The following BANP variants were observed in gnomAD, a reference collection of about 807,000 sequenced individuals.
BANP encodes the protein protein BANP.
In BANP, 11 loss-of-function variants were observed where a neutral mutation model predicts 68.1. The observed-to-expected ratio is 0.16, with a 90% CI of 0.10 to 0.27. BANP has a LOEUF of 0.27. BANP is among the 10% of genes least tolerant of loss of function. The pLI is 1.00. For synonymous variants in BANP, 329 were observed against 303.2 expected (o/e 1.09, Z -0.88); for missense variants, 504 against 722.7 (o/e 0.70, Z 3.47).
chr16:87,982,952 A>T (rs12919517), intron 3 of BANP, among the ~76,000 whole-genome samples: 3 of 151,976 alleles, frequency 2.0e-5, no homozygotes, highest in South Asian at 2.1e-4. Context: ...TCCGGCTCCA[A>T]TGTGGGCCGG....
At chr16:87,989,366 T>C (rs761246018) in intron 4 of BANP, among the ~76,000 whole-genome samples, 1 of 152,256 alleles carries the variant, frequency 6.6e-6, no homozygotes, top group Non-Finnish European at 1.5e-5. Context: ...TGAATGCTAG[T>C]GTGGACAGTT....
chr16:87,993,038 C>A (rs1241254750), intron 4 of BANP, among the ~76,000 whole-genome samples: 5 of 152,100 alleles, frequency 3.3e-5, no homozygotes, highest in African/African-American at 1.2e-4. Context: ...AGCATTGGGT[C>A]GGTTATTTTG....
chr16:88,038,080 G>C, intron 11 of BANP, 69 bp downstream of exon 11: 1 of 1,516,222 alleles, frequency 6.6e-7, no homozygotes, highest in African/African-American at 1.4e-5. Context: ...CAGGGGAGGG[G>C]GTGGGACGGT....
intron 1 of BANP, among the ~76,000 whole-genome samples, chr16:87,964,535 G>A (rs574298476): frequency 1.3e-5 from 2 of 152,384 alleles, no homozygotes; most frequent in Admixed American, 6.5e-5. Context: ...AAATGCAGGG[G>A]CCGAGTGAGC....
chr16:87,988,496 A>C (rs1424662504), intron 4 of BANP, among the ~76,000 whole-genome samples: 1 of 151,350 alleles, frequency 6.6e-6, no homozygotes, highest in African/African-American at 2.4e-5. Flanking sequence ...CAAACTCCTG[A>C]CCTCATGATC....
chr16:88,059,882 G>A (rs1412594180), intron 11 of BANP, among the ~76,000 whole-genome samples: 1 of 152,226 alleles, frequency 6.6e-6, no homozygotes, highest in Non-Finnish European at 1.5e-5. Context: ...GCATTGGGAT[G>A]GAGTCACCTG....
In BANP at chr16:88,018,785, C is replaced by T. The variant is rs1056226589; in HGVS notation, c.895+118C>T. The stretch of plus-strand genomic sequence containing the variant: ...CGGCACGGGGCTGCGTTTCTCCAGG[C>T]GGTTTGAAATCTCAGCCCGAGGATC... On this transcript the variant is annotated intron_variant, in intron 7 of 13. Transcript: ENST00000682872. The surrounding 1 kb of genome is among the most constrained non-coding windows in gnomAD (Gnocchi z 7.7). The T allele has an allele frequency of 3.8e-5, 50 of 1,331,298 alleles. No individual in the cohort carries two copies. The highest frequency in any genetic ancestry group is 4.8e-5 in the Non-Finnish European group (48 of 989,722). 82.5% of individuals were successfully genotyped at this position (1,331,298 alleles called of 1,614,324 possible).
At chr16:87,955,026 G>C (rs748117963) in intron 1 of BANP, among the ~76,000 whole-genome samples, 1 of 152,230 alleles carries the variant, frequency 6.6e-6, no homozygotes, top group Non-Finnish European at 1.5e-5. Flanking sequence ...GGCTGCCAGC[G>C]TACCTGGGCA....
intron 1 of BANP, among the ~76,000 whole-genome samples, chr16:87,954,590 C>G (rs73240741): frequency 7.2e-5 from 11 of 152,194 alleles, no homozygotes; most frequent in African/African-American, 2.4e-4. Flanking sequence ...TGGGCTGTTC[C>G]GCTTCTTTAG....
At chr16:87,978,315 T>C (rs1015742012) in intron 2 of BANP, 1 of 227,998 alleles carries the variant, frequency 4.4e-6, no homozygotes, top group Non-Finnish European at 9.0e-6. Context: ...GCCTCTCTTC[T>C]GCTGTTATGA....
intron 7 of BANP, among the ~76,000 whole-genome samples, chr16:88,026,749 A>G (rs2077074951): frequency 6.6e-6 from 1 of 151,416 alleles, no homozygotes; most frequent in Non-Finnish European, 1.5e-5. Context: ...CAATTCTCCA[A>G]ACCGTGTTTA....
At chr16:87,954,353 C>G (rs778827198) in intron 1 of BANP, among the ~76,000 whole-genome samples, 39 of 152,192 alleles carry the variant, frequency 2.6e-4, no homozygotes, top group Non-Finnish European at 2.4e-4. Flanking sequence ...TCCCAGCTCT[C>G]CTTTGTTCTG....
At chr16:88,067,000 C>G (rs1283336760) in intron 12 of BANP, among the ~76,000 whole-genome samples, 1 of 152,220 alleles carries the variant, frequency 6.6e-6, no homozygotes, top group Admixed American at 6.5e-5. Flanking sequence ...AGGTACCAGG[C>G]AAATTATTTT....
chr16:88,024,930 A>T (rs528650375), intron 7 of BANP, among the ~76,000 whole-genome samples: 1 of 152,302 alleles, frequency 6.6e-6, no homozygotes, highest in South Asian at 2.1e-4. Context: ...TCTCTTACCT[A>T]TACACCTGGG....
chr16:88,061,194 G>A (rs538605234), intron 11 of BANP, among the ~76,000 whole-genome samples: 5 of 152,174 alleles, frequency 3.3e-5, no homozygotes, highest in Non-Finnish European at 5.9e-5. Context: ...TGTGCCTACC[G>A]CTTGCCACAA....
chr16:87,984,179 C>A lies in BANP; in HGVS notation c.282C>A (p.Asn94Lys). The A allele has an allele frequency of 5.6e-6, 9 of 1,607,592 alleles. No individual in the cohort carries two copies. The highest frequency in any genetic ancestry group is 7.7e-6 in the Non-Finnish European group (9 of 1,176,332). Residue 94 changes from asparagine to lysine, a missense_variant, in exon 4 of 14, where the codon AAC becomes AAA. Transcript: ENST00000682872. ...SLEEKLDLVT[N>K]KQHSPIQVPM... ...AAGAAAAGCTGGATCTGGTCACGAA[C>A]AAGCAGCACAGCCCCATCCAGGTCC...
rs528416458 is a variant in BANP, at chr16:88,065,625, G to A, written c.1377+293G>A. ...TGCTTTCTGAAGACACAACAGGAACGGGGGAAGAATTTCTCGCCATCTTTT... is the reference window on the plus strand; with the variant it reads ...TGCTTTCTGAAGACACAACAGGAACAGGGGAAGAATTTCTCGCCATCTTTT... On this transcript the variant is annotated intron_variant, in intron 12 of 13. Transcript: ENST00000682872. Among the ~76,000 whole-genome samples the A allele has an allele frequency of 5.9e-5, 9 of 152,306 alleles. No homozygotes were observed. The South Asian group carries it at 6.2e-4, about 11-fold the overall frequency.
In BANP at chr16:88,002,278, A is replaced by C. The variant is rs993951820; in HGVS notation, c.363-2017A>C. 6.6e-6 allele frequency among the ~76,000 whole-genome samples: 1 copy of C among 152,044 alleles called. No individual in the cohort carries two copies. The highest frequency in any genetic ancestry group is 2.4e-5 in the African/African-American group (1 of 41,378). Reference sequence around the variant, plus strand: ...CCAGGGGTCTCAGTGGTCTGTCCTCAGAAACTGTTTTTGATGATCTCTGTC... The same window carrying C: ...CCAGGGGTCTCAGTGGTCTGTCCTCCGAAACTGTTTTTGATGATCTCTGTC... On this transcript the variant is annotated intron_variant, in intron 4 of 13. Transcript: ENST00000682872. The surrounding 1 kb of genome is among the most constrained non-coding windows in gnomAD (Gnocchi z 4.6).
At chr16:88,015,381 C>T (rs1310191291) in intron 6 of BANP, among the ~76,000 whole-genome samples, 12 of 152,240 alleles carry the variant, frequency 7.9e-5, no homozygotes, top group Admixed American at 1.3e-4. Context: ...GCTCGGACCA[C>T]GCTGGGCGTG....
Sources: allele counts gnomAD v4.1 joint callset (sites outside exome capture counted in the v4.1 genomes callset), GRCh38; gene constraint gnomAD v4.1.1; non-coding constraint Gnocchi (gnomAD v3.1); transcripts MANE v1.5; gene names NCBI Gene and HGNC (gene_info 2026-07-23, HGNC 2026-07-21).